ALPK3: variants seen among roughly 807,000 people sequenced by gnomAD.
ALPK3 encodes the protein alpha-protein kinase 3.
ALPK3 carries 102 observed loss-of-function variants against 140.0 expected under a neutral mutation model. That is an observed-to-expected ratio of 0.73 (90% CI 0.62 to 0.86). The LOEUF is 0.86. Ranked by LOEUF, ALPK3 falls within the 40% of genes least tolerant of loss-of-function variation. The pLI is 0.00. For missense variants in ALPK3, 2,254 were observed against 2,208.2 expected (o/e 1.02, Z -0.42); for synonymous variants, 938 against 898.5 (o/e 1.04, Z -0.79).
chr15:84,862,039 G>A (rs1011107120), intron 9 of ALPK3, among the ~76,000 whole-genome samples: 9 of 152,086 alleles, frequency 5.9e-5, no homozygotes, highest in African/African-American at 2.2e-4. Flanking sequence ...TTGCTTTCTG[G>A]ATTCACACGA....
rs1171279371 is a variant in ALPK3 at position 84,858,175 on chromosome 15, A to T, written c.3437A>T (p.Glu1146Val). 1 of 1,611,906 alleles carries T rather than the reference A, an allele frequency of 6.2e-7. No homozygotes were observed. The highest frequency in any genetic ancestry group is 1.7e-5 in the Admixed American group (1 of 59,684). ...EPSQEEKFPG[E>V]ALTGLPAATP... Reference sequence around the variant, plus strand: ...TCCCAAGAGGAGAAGTTCCCAGGGGAGGCTCTGACAGGTCTCCCGGCAGCT... The same window carrying T: ...TCCCAAGAGGAGAAGTTCCCAGGGGTGGCTCTGACAGGTCTCCCGGCAGCT... Residue 1146 changes from glutamate (E) to valine (V), a missense_variant, in exon 6 of 14, where the codon GAG becomes GTG. Glu to Val is a moderately radical substitution (Grantham distance 121, BLOSUM62 -2). Transcript: ENST00000258888.
chr15:84,827,209 G>A (rs1198431663), intron 2 of ALPK3, among the ~76,000 whole-genome samples: 1 of 152,224 alleles, frequency 6.6e-6, no homozygotes, highest in African/African-American at 2.4e-5. Flanking sequence ...TGGGACACCT[G>A]GGCTTGTAGA....
chr15:84,845,062 A>G (rs917421030), intron 5 of ALPK3, among the ~76,000 whole-genome samples: 1 of 152,222 alleles, frequency 6.6e-6, no homozygotes. Context: ...AACTTTGAAA[A>G]GCAAATAGTC....
In ALPK3 at chr15:84,864,560, G is replaced by A; in HGVS notation, c.4618G>A (p.Ala1540Thr). 1 of 1,614,228 alleles carries A rather than the reference G, an allele frequency of 6.2e-7. No homozygotes were observed. Reference protein sequence around the residue: ...YCSREWGCAEAPTASGSSEAM... With the variant: ...YCSREWGCAETPTASGSSEAM... ...TTCTCGGGAATGGGGCTGTGCTGAG[G>A]CTCCGACAGCATCTGGCAGCTCTGA... Residue 1540 changes from alanine (A) to threonine (T), a missense_variant, in exon 12 of 14, where the codon GCT becomes ACT. Ala to Thr is a moderately conservative substitution (Grantham distance 58). Transcript: ENST00000258888.
In ALPK3 at chr15:84,857,910, G is replaced by T. The variant is rs780153925; in HGVS notation, c.3172G>T (p.Ala1058Ser). 6.2e-7 allele frequency: 1 copy of T among 1,611,460 alleles called. No homozygotes were observed. The highest frequency in any genetic ancestry group is 1.1e-5 in the South Asian group (1 of 90,788). The change falls in exon 6 of 14, where the codon GCC (alanine) becomes TCC (serine). Residue 1058 changes from alanine to serine, a missense_variant. Ala to Ser is a moderately conservative substitution (Grantham distance 99). Coordinates refer to ENST00000258888, the MANE Select transcript of ALPK3 (RefSeq NM_020778.5). ...VQAGRQALAA[A>S]RGSWGPGPSS... is the part of the protein sequence containing the mutation. Reference sequence around the variant, plus strand: ...GGCTGGCCGCCAGGCCCTTGCTGCTGCCCGAGGCTCCTGGGGTCCTGGTCC... The same window carrying T: ...GGCTGGCCGCCAGGCCCTTGCTGCTTCCCGAGGCTCCTGGGGTCCTGGTCC...
At position 84,868,805 on chromosome 15, in the gene ALPK3, T is replaced by G; in HGVS notation, c.*349T>G. On this transcript the variant is annotated 3_prime_UTR_variant, in exon 14 of 14. Coordinates refer to ENST00000258888, the MANE Select transcript of ALPK3 (RefSeq NM_020778.5). ...TGCATGAGTTCTGCACCCCAAGCCCTTGCCCCAGCCCAGTCCAGCAGCAGA... is the reference window on the plus strand; with the variant it reads ...TGCATGAGTTCTGCACCCCAAGCCCGTGCCCCAGCCCAGTCCAGCAGCAGA... The G allele has an allele frequency of 3.4e-6, 1 of 298,408 alleles. No individual in the cohort carries two copies. 18.5% of individuals were successfully genotyped at this position (298,408 alleles called of 1,614,324 possible).
intron 2 of ALPK3, 37 bp from the exon 3 acceptor site, chr15:84,827,447 G>C: frequency 6.2e-7 from 1 of 1,612,488 alleles, no homozygotes; most frequent in Non-Finnish European, 8.5e-7. Flanking sequence ...TTTGTTGTGG[G>C]GAAGGCCAGC....
chr15:84,841,493 A>G (rs1287119465), intron 5 of ALPK3, among the ~76,000 whole-genome samples: 1 of 152,244 alleles, frequency 6.6e-6, no homozygotes, highest in African/African-American at 2.4e-5. Flanking sequence ...AAGAATAATC[A>G]TAACAATACC....
At chr15:84,820,157 A>G (rs1963406157) in intron 1 of ALPK3, among the ~76,000 whole-genome samples, 2 of 152,062 alleles carry the variant, frequency 1.3e-5, no homozygotes, top group Admixed American at 1.3e-4. Flanking sequence ...TGAAGCAGTT[A>G]TGATTAATTA....
chr15:84,868,363 G>C lies in ALPK3; in HGVS notation c.5025G>C (p.Lys1675Asn). 6.2e-7 allele frequency: 1 copy of C among 1,614,052 alleles called. No homozygotes were observed. The highest frequency in any genetic ancestry group is 8.5e-7 in the Non-Finnish European group (1 of 1,180,014). ...QGTRKSAPSS[K>N]ATPQASEPVT... ...CCCGGAAGAGTGCTCCAAGTTCCAA[G>C]GCCACCCCTCAGGCCTCAGAGCCAG... Residue 1675 changes from lysine (K) to asparagine (N), a missense_variant, in exon 14 of 14, where the codon AAG (lysine) becomes AAC (asparagine). Physicochemically the swap from Lys to Asn is moderately conservative, Grantham distance 94 (BLOSUM62 0). Coordinates refer to ENST00000258888, the MANE Select transcript of ALPK3 (RefSeq NM_020778.5).
rs372396708 is a variant in ALPK3, at chr15:84,862,828, G to T, written c.4323G>T (p.Thr1441=). Residue 1441 remains threonine (T), a synonymous_variant, in exon 10 of 14, where the codon ACG becomes ACT. Coordinates refer to ENST00000258888, the MANE Select transcript of ALPK3 (RefSeq NM_020778.5). The part of the protein sequence containing the change: ...GLEPIFESGR[T]CIIKVSSLLV... ...AACCCATCTTCGAGTCGGGCCGCAC[G>T]TGCATCATCAAGGTGTCCAGCCTGC... 6.3e-5 allele frequency: 101 copies of T among 1,614,032 alleles called. No homozygotes were observed. Among genetic ancestry groups the T allele is most frequent in the Non-Finnish European group, 8.2e-5 (97 of 1,180,044 alleles).
intron 5 of ALPK3, among the ~76,000 whole-genome samples, chr15:84,841,779 C>A (rs1449599332): frequency 1.3e-5 from 2 of 152,078 alleles, no homozygotes; most frequent in Non-Finnish European, 2.9e-5. Context: ...GGAAACAATT[C>A]GTCCCTTTTG....
At chr15:84,822,366 T>G (rs1282569762) in intron 1 of ALPK3, among the ~76,000 whole-genome samples, 1 of 151,852 alleles carries the variant, frequency 6.6e-6, no homozygotes, top group Non-Finnish European at 1.5e-5. Context: ...AAAGGATGGG[T>G]TTGGTGTTGT....
intron 5 of ALPK3, among the ~76,000 whole-genome samples, chr15:84,848,520 A>C (rs1036014762): frequency 1.3e-5 from 2 of 152,196 alleles, no homozygotes; most frequent in African/African-American, 4.8e-5. Flanking sequence ...AAGATGTTCT[A>C]ATCTAAAAGG....
intron 5 of ALPK3, among the ~76,000 whole-genome samples, chr15:84,852,249 C>G (rs1020565809): frequency 6.6e-6 from 1 of 152,182 alleles, no homozygotes; most frequent in Non-Finnish European, 1.5e-5. Context: ...CACGCAAGCC[C>G]TGAGATACCA....
At chr15:84,838,686 C>T (rs1963622198) in intron 3 of ALPK3, among the ~76,000 whole-genome samples, 2 of 150,936 alleles carry the variant, frequency 1.3e-5, no homozygotes, top group Admixed American at 1.3e-4. Flanking sequence ...GTGGCAAGAT[C>T]TTGGCTCACT....
In ALPK3 at chr15:84,840,261, C is replaced by A; in HGVS notation, c.982C>A (p.Arg328=). ...KKDEESKQGL[R]KPELEKAAQS... is the part of the protein sequence containing the mutation. The stretch of plus-strand genomic sequence containing the variant: ...AGATGAGGAATCCAAGCAAGGCCTG[C>A]GGAAGCCAGAGTTAGAGAAGGCAGC... The change falls in exon 5 of 14, where the codon CGG becomes AGG. Residue 328 remains arginine (R), a synonymous_variant. Coordinates refer to ENST00000258888, the MANE Select transcript of ALPK3 (RefSeq NM_020778.5). The A allele has an allele frequency of 6.2e-7, 1 of 1,613,726 alleles. No individual in the cohort carries two copies. The highest frequency in any genetic ancestry group is 8.5e-7 in the Non-Finnish European group (1 of 1,180,014).
Position 84,857,173 on chromosome 15 carries a change from AGGT to A in ALPK3, c.2438_2440del (p.Val813del), listed in dbSNP as rs1963874148. ...CCGCCCCATGAGGGGAGTGTGGAGC[AGGT>A]GGGAGGAGAGAGATGCCGAGGGCCA... On this transcript the variant is annotated inframe_deletion, in exon 6 of 14. Coordinates refer to ENST00000258888, the MANE Select transcript of ALPK3 (RefSeq NM_020778.5). The A allele has an allele frequency of 2.5e-6, 4 of 1,613,752 alleles. No homozygotes were observed. The Admixed American group carries it at 6.7e-5, about 27-fold the overall frequency.
Position 84,817,565 on chromosome 15 carries a change from G to A in ALPK3, c.113G>A (p.Ser38Asn), listed in dbSNP as rs2141542292. The A allele has an allele frequency of 6.7e-7, 1 of 1,503,158 alleles. No homozygotes were observed. Among genetic ancestry groups the A allele is most frequent in the South Asian group, 1.2e-5 (1 of 82,192 alleles). 93.1% of individuals were successfully genotyped at this position (1,503,158 alleles called of 1,614,324 possible). ...TGGATCCCCAGCCCAGCCAGCCGGAGCTACCTGCTCAGCGTGCGGCCCGAG... is the reference window on the plus strand; with the variant it reads ...TGGATCCCCAGCCCAGCCAGCCGGAACTACCTGCTCAGCGTGCGGCCCGAG... ...PVWIPSPASR[S>N]YLLSVRPETS... Residue 38 changes from serine (S) to asparagine (N), a missense_variant, in exon 1 of 14, where the codon AGC (serine) becomes AAC (asparagine). By Grantham distance (46) the Ser-to-Asn change is conservative. Around this residue, in one of 3 missense-constraint regions of ALPK3, gnomAD observed 2,088 missense variants for 2,022.9 expected, o/e 1.03. Coordinates refer to ENST00000258888, the MANE Select transcript of ALPK3 (RefSeq NM_020778.5).
Sources: gnomAD v4.1 joint callset for allele counts (sites outside exome capture counted in the v4.1 genomes callset) on GRCh38, gnomAD v4.1.1 for gene constraint, gnomAD v4.1.1 regional missense constraint, MANE v1.5 for transcripts, NCBI Gene and HGNC (gene_info 2026-07-23, HGNC 2026-07-21) for gene names.